GRID2IP: variants seen among roughly 807,000 people sequenced by gnomAD.
GRID2IP encodes delphilin.
GRID2IP carries 78 observed loss-of-function variants against 114.3 expected under a neutral mutation model. That is an observed-to-expected ratio of 0.68 (90% CI 0.57 to 0.82). The LOEUF is 0.82. Among genes scored for constraint, GRID2IP ranks in the 40% least tolerant of loss-of-function variants. GRID2IP has a pLI of 0.00. For synonymous variants in GRID2IP, 809 were observed against 724.0 expected, an observed-to-expected ratio of 1.12 and a Z score of -1.89; for missense variants, 1,727 against 1,678.5, an observed-to-expected ratio of 1.03 and a Z score of -0.51.
Position 6,508,251 on chromosome 7 carries a change from G to T in GRID2IP, c.2278C>A (p.Pro760Thr). The change falls in exon 13 of 22, where the codon CCA becomes ACA. Residue 760 changes from proline to threonine, a missense_variant. Physicochemically the swap from Pro to Thr is conservative, Grantham distance 38 (BLOSUM62 -1). Coordinates refer to ENST00000457091, the MANE Select transcript of GRID2IP (RefSeq NM_001145118.2). The surrounding 1 kb of genome is among the most constrained non-coding windows in gnomAD (Gnocchi z 5.6). Reference protein sequence around the residue: ...PPPPLSPPPPPPLPFHDAKPS... With the variant: ...PPPPLSPPPPTPLPFHDAKPS... ...TTAGCGTCATGGAAAGGCAGGGGTG[G>T]CGGTGGTGGGGGGCTGAGCGGGGGT... is the stretch of plus-strand genomic sequence containing the variant. 6.5e-7 allele frequency: 1 copy of T among 1,536,386 alleles called. No individual in the cohort carries two copies.
rs1221334482 is a variant in GRID2IP, at chr7:6,526,792, CG to C, written c.585-24del. 1 of 1,489,462 alleles carries C rather than the reference CG, an allele frequency of 6.7e-7. No individual in the cohort carries two copies. The highest frequency in any genetic ancestry group is 8.9e-7 in the Non-Finnish European group (1 of 1,121,764). 92.3% of individuals were successfully genotyped at this position (1,489,462 alleles called of 1,614,324 possible). A position where few individuals can be genotyped will look rare whatever the true frequency, so the allele number is the denominator to read the frequency against. ...ATCCTGCCGGCGAGGACGGCGGAGT[CG>C]GGGCGCGTTCCCGGACCCCGGATCT... On this transcript the variant is annotated intron_variant, in intron 2 of 21. Coordinates refer to ENST00000457091, the MANE Select transcript of GRID2IP (RefSeq NM_001145118.2). This position sits in a 1 kb window ranked among gnomAD's most constrained non-coding sequence, Gnocchi z 7.6.
intron 1 of GRID2IP, among the ~76,000 whole-genome samples, chr7:6,542,898 C>G (rs1438357230): frequency 6.6e-6 from 1 of 152,204 alleles, no homozygotes; most frequent in Non-Finnish European, 1.5e-5. Flanking sequence ...TGGGCACTGA[C>G]AGCTGGAGCT....
rs79282574 is a variant in GRID2IP, at chr7:6,507,213, C to T, written c.2544+772G>A. Among the ~76,000 whole-genome samples the T allele has an allele frequency of 0.011, 1,669 of 152,282 alleles. 32 individuals are homozygous for T. The highest frequency in any genetic ancestry group is 0.038 in the African/African-American group (1,562 of 41,544). On this transcript the variant is annotated intron_variant, in intron 13 of 21. Transcript: ENST00000457091. This position sits in a 1 kb window ranked among gnomAD's most constrained non-coding sequence, Gnocchi z 5.3. ...CAGCCCTGGGAGCTGGAAGGAGCCC[C>T]TGCCATATTAAAAGGAGTATGATGT...
chr7:6,508,999 TG>T lies in GRID2IP; in HGVS notation c.2085del (p.Ile696SerfsTer6), dbSNP rs897274321. The T allele has an allele frequency of 5.8e-6, 9 of 1,542,342 alleles. No homozygotes were observed. Among genetic ancestry groups the T allele is most frequent in the Non-Finnish European group, 7.9e-6 (9 of 1,143,534 alleles). On this transcript the variant is annotated frameshift_variant, in exon 12 of 22. Transcript: ENST00000457091. LOFTEE classifies it high-confidence loss of function. This position sits in a 1 kb window ranked among gnomAD's most constrained non-coding sequence, Gnocchi z 5.6. Reference sequence around the variant, plus strand: ...TCCGGGGTCAGGAAATCATCCACGATGGTGACCCGGGGGCCCAGCTGCTCGC... The same window carrying T: ...TCCGGGGTCAGGAAATCATCCACGATGTGACCCGGGGGCCCAGCTGCTCGC... ...VLSEQLGPRV[T>X]IVDDFLTPEN...
chr7:6,549,482 A>T (rs1562527328), intron 1 of GRID2IP, among the ~76,000 whole-genome samples: 3 of 152,208 alleles, frequency 2.0e-5, no homozygotes, highest in Non-Finnish European at 2.9e-5. Flanking sequence ...TCAAGAGGAA[A>T]TGCCTTTGGC....
At position 6,542,306 on chromosome 7, in the gene GRID2IP, CAAAAA is replaced by C. The variant is rs56154707; in HGVS notation, c.430-2439_430-2435del. Reference sequence around the variant, plus strand: ...GGCAACAAGAGCAAAAACTCCATCTCAAAAAAAAAAAAAAAAAAAAGAAAAAAGAA... The same window carrying C: ...GGCAACAAGAGCAAAAACTCCATCTCAAAAAAAAAAAAAAAGAAAAAAGAA... On this transcript the variant is annotated intron_variant, in intron 1 of 21. Coordinates refer to ENST00000457091, the MANE Select transcript of GRID2IP (RefSeq NM_001145118.2). Among the ~76,000 whole-genome samples, 107 of 95,188 alleles carry C rather than the reference CAAAAA, an allele frequency of 1.1e-3. 1 individual carries two copies. The highest frequency in any genetic ancestry group is 5.8e-3 in the South Asian group (14 of 2,400). The allele number at this position is 95,188 out of a possible 152,430, so 62.4% of individuals were successfully genotyped here.
intron 15 of GRID2IP, 59 bp downstream of exon 15, chr7:6,504,734 G>T: frequency 7.5e-7 from 1 of 1,328,398 alleles, no homozygotes; most frequent in Non-Finnish European, 1.1e-6. Context: ...CAGGTCTGAG[G>T]CCCAGAGAAA....
At chr7:6,505,589 GAACC>G (rs1408816869) in intron 14 of GRID2IP, among the ~76,000 whole-genome samples, 1 of 152,044 alleles carries the variant, frequency 6.6e-6, no homozygotes, top group Non-Finnish European at 1.5e-5. Flanking sequence ...GGCTGGTCTC[GAACC>G]CCTGAGCTCA....
intron 1 of GRID2IP, among the ~76,000 whole-genome samples, chr7:6,541,167 G>A (rs1164556926): frequency 2.0e-5 from 3 of 152,106 alleles, no homozygotes; most frequent in African/African-American, 4.8e-5. Flanking sequence ...TTACAGGTGT[G>A]AGCCACCTCT....
intron 2 of GRID2IP, among the ~76,000 whole-genome samples, chr7:6,530,515 C>T (rs1325174856): frequency 6.6e-6 from 1 of 150,802 alleles, no homozygotes; most frequent in Non-Finnish European, 1.5e-5. Flanking sequence ...TCCGCACCCC[C>T]CACCCCCCTC....
In GRID2IP at chr7:6,508,407, G is replaced by A. The variant is rs186545008; in HGVS notation, c.2128-6C>T. ...TGGTCATCATGGAAGCTCATCTGGTGGTGGGGAGAGAGGCAAGGGGAGGGT... is the reference window on the plus strand; with the variant it reads ...TGGTCATCATGGAAGCTCATCTGGTAGTGGGGAGAGAGGCAAGGGGAGGGT... On this transcript the variant is annotated splice_region_variant and splice_polypyrimidine_tract_variant and intron_variant, in intron 12 of 21. Transcript: ENST00000457091. The surrounding 1 kb of genome is among the most constrained non-coding windows in gnomAD (Gnocchi z 5.6). The A allele has an allele frequency of 7.7e-6, 12 of 1,551,032 alleles. No individual in the cohort carries two copies. In the African/African-American group the frequency reaches 1.2e-4, roughly 16 times the overall value.
chr7:6,522,053 C>CA lies in GRID2IP; in HGVS notation c.920-97dup, dbSNP rs1779422874. The CA allele has an allele frequency of 9.0e-6, 9 of 1,003,056 alleles. 1 individual carries two copies. The South Asian group carries it at 1.1e-4, about 13-fold the overall frequency. The allele number at this position is 1,003,056 out of a possible 1,614,324, so 62.1% of individuals were successfully genotyped here. A position where few individuals can be genotyped will look rare whatever the true frequency, so the allele number is the denominator to read the frequency against. ...GTTTTACAGGCGAGAAATGGAGACTCAGAGACCCATAGCTTGCCGGGCATG... is the reference window on the plus strand; with the variant it reads ...GTTTTACAGGCGAGAAATGGAGACTCAAGAGACCCATAGCTTGCCGGGCATG... On this transcript the variant is annotated intron_variant, in intron 4 of 21. Transcript: ENST00000457091.
chr7:6,547,925 C>T (rs1779911413), intron 1 of GRID2IP, among the ~76,000 whole-genome samples: 1 of 152,134 alleles, frequency 6.6e-6, no homozygotes, highest in Non-Finnish European at 1.5e-5. Flanking sequence ...TTCCAGGCTC[C>T]CTGACCTCCC....
Position 6,510,711 on chromosome 7 carries a change from C to A in GRID2IP, c.1556-5G>T. The A allele has an allele frequency of 1.3e-6, 2 of 1,547,708 alleles. No homozygotes were observed. The highest frequency in any genetic ancestry group is 1.2e-5 in the South Asian group (1 of 83,688). On this transcript the variant is annotated splice_region_variant and splice_polypyrimidine_tract_variant and intron_variant, in intron 9 of 21. Transcript: ENST00000457091. The stretch of plus-strand genomic sequence containing the variant: ...TCTCAGGGCACTCGCTGGGACCTAC[C>A]GGGGAATAATGTCATTACCGTATCT...
intron 1 of GRID2IP, among the ~76,000 whole-genome samples, chr7:6,548,001 G>T (rs79715413): frequency 0.028 from 4,262 of 152,284 alleles, 86 homozygotes; most frequent in Non-Finnish European, 0.048. Flanking sequence ...GGAAAAGTCT[G>T]TGAGCTTGAT....
chr7:6,524,479 G>A (rs1779470423), intron 4 of GRID2IP, among the ~76,000 whole-genome samples: 1 of 152,118 alleles, frequency 6.6e-6, no homozygotes, highest in Non-Finnish European at 1.5e-5. Context: ...CTTCCACAAT[G>A]AATATGAGTG....
chr7:6,504,945 C>A, intron 14 of GRID2IP, 75 bp from the exon 15 acceptor site: 2 of 1,194,252 alleles, frequency 1.7e-6, no homozygotes, highest in South Asian at 1.3e-5. Flanking sequence ...GTGGCGTGGT[C>A]ACAGCCAACA....
chr7:6,544,032 G>A (rs113836160), intron 1 of GRID2IP, among the ~76,000 whole-genome samples: 5,501 of 151,766 alleles, frequency 0.036, 130 homozygotes, highest in Non-Finnish European at 0.053. Context: ...CCTGACCTCA[G>A]GTGATCCTCC....
chr7:6,524,650 T>C (rs946170691), intron 4 of GRID2IP, among the ~76,000 whole-genome samples: 3 of 151,670 alleles, frequency 2.0e-5, no homozygotes, highest in Admixed American at 2.0e-4. Flanking sequence ...AGCCCAGGAG[T>C]TGGAGGCTAC....
Sources: allele counts gnomAD v4.1 joint callset (sites outside exome capture counted in the v4.1 genomes callset), GRCh38; gene constraint gnomAD v4.1.1; non-coding constraint Gnocchi (gnomAD v3.1); transcripts MANE v1.5; gene names NCBI Gene and HGNC (gene_info 2026-07-23, HGNC 2026-07-21).